The following HMGCL variants were observed in gnomAD, a reference collection of about 807,000 sequenced individuals.
HMGCL encodes the protein hydroxymethylglutaryl-CoA lyase, mitochondrial.
Under a neutral mutation model 37.3 loss-of-function variants are expected in HMGCL, and 26 were observed. That is an observed-to-expected ratio of 0.70 (90% confidence interval 0.51 to 0.97). The LOEUF is 0.97. HMGCL is among the 50% of genes least tolerant of loss of function. The probability of loss-of-function intolerance (pLI) is 0.00; values close to 1 mark genes in which losing one functional copy is unlikely to be tolerated. For synonymous variants in HMGCL, 151 were observed against 148.0 expected (o/e 1.02, Z -0.15); for missense variants, 379 against 398.1 (o/e 0.95, Z 0.41).
intron 4 of HMGCL, 39 bp from the exon 5 acceptor site, chr1:23,814,377 C>CT (rs1553132539): frequency 1.9e-6 from 3 of 1,609,196 alleles, no homozygotes; most frequent in South Asian, 1.1e-5. Context: ...GCACTTTTCT[C>CT]TTTTTTTGTT....
intron 7 of HMGCL, 45 bp from the exon 8 acceptor site, chr1:23,804,570 G>A: frequency 1.2e-6 from 2 of 1,610,648 alleles, no homozygotes; most frequent in South Asian, 1.1e-5. Context: ...CTGGGGACAA[G>A]AGGCCACAGA....
chr1:23,809,236 A>ATTT (rs1243481617), intron 6 of HMGCL: 24 of 78,658 alleles, frequency 3.1e-4, no homozygotes, highest in African/African-American at 1.2e-3. Context: ...ATATATATAT[A>ATTT]TATTTTTTTT....
Position 23,806,424 on chromosome 1 carries a change from C to A in HMGCL, c.750+1711G>T, listed in dbSNP as rs541994688. On this transcript the variant is annotated intron_variant, in intron 7 of 8. Coordinates refer to ENST00000374490, the MANE Select transcript of HMGCL (RefSeq NM_000191.3). This position sits in a 1 kb window ranked among gnomAD's most constrained non-coding sequence, Gnocchi z 4.0. ...CCCCTCTCCTCAGTCACACTGCTCC[C>A]GCCACATGCCTCCTCCTGATCCCTG... Among the ~76,000 whole-genome samples, 1 of 152,204 alleles carries A rather than the reference C, an allele frequency of 6.6e-6. No homozygotes were observed. The highest frequency in any genetic ancestry group is 1.5e-5 in the Non-Finnish European group (1 of 68,038).
intron 2 of HMGCL, among the ~76,000 whole-genome samples, chr1:23,819,531 C>G (rs966320545): frequency 1.3e-5 from 2 of 151,998 alleles, no homozygotes; most frequent in South Asian, 4.2e-4. Flanking sequence ...GAGTTCAAGA[C>G]CAGCCCGGCC....
At chr1:23,813,376 A>G (rs1638557082) in intron 5 of HMGCL, among the ~76,000 whole-genome samples, 1 of 151,570 alleles carries the variant, frequency 6.6e-6, no homozygotes, top group Non-Finnish European at 1.5e-5. Context: ...ATGGAATTAC[A>G]GCTAATTTTT....
At chr1:23,804,093 C>A in intron 8 of HMGCL, 1 of 387,810 alleles carries the variant, frequency 2.6e-6, no homozygotes, top group Non-Finnish European at 4.9e-6. Context: ...TATCCATAAT[C>A]CCCAACACCC....
chr1:23,804,297 T>G, intron 8 of HMGCL, 103 bp downstream of exon 8: 1 of 1,431,778 alleles, frequency 7.0e-7, no homozygotes, highest in Non-Finnish European at 9.8e-7. Flanking sequence ...TCTTTACTCC[T>G]CAGCACCTTA....
At chr1:23,816,797 G>GT in intron 3 of HMGCL, 27 bp from the exon 4 acceptor site, 1 of 1,348,388 alleles carries the variant, frequency 7.4e-7, no homozygotes, top group Non-Finnish European at 1.1e-6. Flanking sequence ...ACATTGCCAA[G>GT]TCATCACCAA....
At chr1:23,807,612 C>A (rs980342456) in intron 7 of HMGCL, among the ~76,000 whole-genome samples, 4 of 152,156 alleles carry the variant, frequency 2.6e-5, no homozygotes, top group Non-Finnish European at 5.9e-5. Context: ...CTGTGGGGAA[C>A]GGCATTAAAG....
chr1:23,807,398 G>A (rs552481024), intron 7 of HMGCL: 2 of 362,472 alleles, frequency 5.5e-6, no homozygotes, highest in African/African-American at 2.1e-5. Context: ...AACCTCTAGG[G>A]GATAATTGAG....
At chr1:23,821,446 A>C (rs1638718113) in intron 1 of HMGCL, among the ~76,000 whole-genome samples, 1 of 152,158 alleles carries the variant, frequency 6.6e-6, no homozygotes, top group Non-Finnish European at 1.5e-5. Context: ...ACTTGAGGCC[A>C]GAGGTTCGAG....
intron 1 of HMGCL, among the ~76,000 whole-genome samples, chr1:23,820,917 C>T (rs1016145306): frequency 6.6e-6 from 1 of 152,174 alleles, no homozygotes; most frequent in Non-Finnish European, 1.5e-5. Context: ...TCCTAAAGCC[C>T]ATCTGACTCC....
In HMGCL at chr1:23,806,880, C is replaced by T; in HGVS notation, c.750+1255G>A. 2.1e-6 allele frequency: 1 copy of T among 485,184 alleles called. No individual in the cohort carries two copies. The highest frequency in any genetic ancestry group is 1.5e-5 in the South Asian group (1 of 67,996). 30.1% of individuals were successfully genotyped at this position (485,184 alleles called of 1,614,324 possible). A position where few individuals can be genotyped will look rare whatever the true frequency, so the allele number is the denominator to read the frequency against. On this transcript the variant is annotated intron_variant, in intron 7 of 8. Transcript: ENST00000374490. The surrounding 1 kb of genome is among the most constrained non-coding windows in gnomAD (Gnocchi z 4.0). The stretch of plus-strand genomic sequence containing the variant: ...TGTAATCTTCCATCTGTCTTCCCCA[C>T]CCACCATAACATGAGCTCCCAGAGG...
chr1:23,825,394 G>A lies in HMGCL; in HGVS notation c.22C>T (p.Leu8Phe), dbSNP rs766239017. The A allele has an allele frequency of 1.3e-6, 2 of 1,561,144 alleles. No individual in the cohort carries two copies. The highest frequency in any genetic ancestry group is 8.7e-7 in the Non-Finnish European group (1 of 1,153,220). ...GCCAAGCCCACCAGTCGCCGCGGAA[G>A]CGCCTTCCTCATTGCTGCCATCTTG... MAAMRKA[L>F]PRRLVGLASL... The change falls in exon 1 of 9, where the codon CTT becomes TTT. Residue 8 changes from leucine to phenylalanine, a missense_variant. Coordinates refer to ENST00000374490, the MANE Select transcript of HMGCL (RefSeq NM_000191.3).
At chr1:23,815,752 C>T (rs1638600099) in intron 4 of HMGCL, among the ~76,000 whole-genome samples, 1 of 151,946 alleles carries the variant, frequency 6.6e-6, no homozygotes, top group Non-Finnish European at 1.5e-5. Context: ...GCCCTGGTCT[C>T]CCAAAGTGCT....
chr1:23,815,289 G>A (rs1020452390), intron 4 of HMGCL, among the ~76,000 whole-genome samples: 4 of 151,890 alleles, frequency 2.6e-5, no homozygotes, highest in African/African-American at 7.3e-5. Context: ...GCAAAGACTG[G>A]AGAGATGCAT....
At chr1:23,810,619 G>A in intron 6 of HMGCL, 117 bp downstream of exon 6, 1 of 827,868 alleles carries the variant, frequency 1.2e-6, no homozygotes, top group Non-Finnish European at 2.1e-6. Context: ...GAAGGAGCTG[G>A]GTGAATGAAT....
At position 23,810,723 on chromosome 1, in the gene HMGCL, C is replaced by G; in HGVS notation, c.561+13G>C. The G allele has an allele frequency of 6.2e-7, 1 of 1,613,636 alleles. No individual in the cohort carries two copies. The highest frequency in any genetic ancestry group is 2.2e-5 in the East Asian group (1 of 44,880). ...ACCCTCACCAAACCCCCCGCCCTGA[C>G]ACATGCACACACCTCAGCTACTTTA... is the stretch of plus-strand genomic sequence containing the variant. On this transcript the variant is annotated intron_variant, in intron 6 of 8. Transcript: ENST00000374490.
In HMGCL at chr1:23,820,510, CT is replaced by C; in HGVS notation, c.143del (p.Lys48ArgfsTer8). 1 of 1,611,902 alleles carries C rather than the reference CT, an allele frequency of 6.2e-7. No homozygotes were observed. Among genetic ancestry groups the C allele is most frequent in the Non-Finnish European group, 8.5e-7 (1 of 1,177,986 alleles). On this transcript the variant is annotated frameshift_variant and splice_region_variant, in exon 2 of 9. Transcript: ENST00000374490. LOFTEE classifies it high-confidence loss of function. The stretch of plus-strand genomic sequence containing the variant: ...TTTTTTGGCTCATTTCCAACTTTAC[CT>C]TTTCATTTTGTAGTCCATCTCGGGG... ...VGPRDGLQNE[K>X]NIVSTPVKIK...
Sources: allele counts gnomAD v4.1 joint callset (sites outside exome capture counted in the v4.1 genomes callset), GRCh38; gene constraint gnomAD v4.1.1; non-coding constraint Gnocchi (gnomAD v3.1); transcripts MANE v1.5; gene names NCBI Gene and HGNC (gene_info 2026-07-23, HGNC 2026-07-21).